The following COX7B2 variants were observed in gnomAD, a reference collection of about 807,000 sequenced individuals.
COX7B2 encodes cytochrome c oxidase subunit 7B2, mitochondrial.
For missense variants in COX7B2, 109 were observed against 95.9 expected, an observed-to-expected ratio of 1.14 and a Z score of -0.57; for synonymous variants, 37 against 32.1, an observed-to-expected ratio of 1.15 and a Z score of -0.51.
chr4:46,830,486 A>G (rs1715004248), intron 2 of COX7B2, among the ~76,000 whole-genome samples: 1 of 152,196 alleles, frequency 6.6e-6, no homozygotes, highest in African/African-American at 2.4e-5. Context: ...TTGGCATATA[A>G]TAATATAATG....
chr4:46,801,409 A>G lies in COX7B2; in HGVS notation c.-50+43551T>C, dbSNP rs536657381. ...AAATACATTGCAGCTAAGAAAAAGA[A>G]CAACATCATGTCCTTTGCAGCAACA... On this transcript the variant is annotated intron_variant, in intron 2 of 2. Coordinates refer to ENST00000355591, the MANE Select transcript of COX7B2 (RefSeq NM_130902.3). 2.0e-5 allele frequency among the ~76,000 whole-genome samples: 3 copies of G among 152,322 alleles called. No individual in the cohort carries two copies. The South Asian group carries it at 6.2e-4, about 32-fold the overall frequency.
intron 2 of COX7B2, among the ~76,000 whole-genome samples, chr4:46,763,044 A>C (rs1716293876): frequency 7.5e-6 from 1 of 133,886 alleles, no homozygotes; most frequent in African/African-American, 2.8e-5. Flanking sequence ...TATATATTAT[A>C]TATTATAATA....
intron 2 of COX7B2, among the ~76,000 whole-genome samples, chr4:46,806,937 A>T (rs1719028802): frequency 6.6e-6 from 1 of 151,948 alleles, no homozygotes; most frequent in African/African-American, 2.4e-5. Context: ...ACTCTAGATT[A>T]TTTCCATATC....
rs565342498 is a variant in COX7B2 at position 46,750,443 on chromosome 4, T to G, written c.-49-15202A>C. ...GAGAATTTCTTTTATTATAAGGACA[T>G]GTATATATGATTATAATGACATCTA... On this transcript the variant is annotated intron_variant, in intron 2 of 2. Coordinates refer to ENST00000355591, the MANE Select transcript of COX7B2 (RefSeq NM_130902.3). 2.0e-3 allele frequency among the ~76,000 whole-genome samples: 303 copies of G among 152,134 alleles called. 1 individual carries two copies. The highest frequency in any genetic ancestry group is 3.5e-3 in the Admixed American group (53 of 15,246).
At chr4:46,829,290 T>C (rs1560407037) in intron 2 of COX7B2, among the ~76,000 whole-genome samples, 1 of 152,192 alleles carries the variant, frequency 6.6e-6, no homozygotes, top group Non-Finnish European at 1.5e-5. Context: ...TTCATAACAA[T>C]CATTTAATGA....
rs144723920 is a variant in COX7B2 at position 46,879,541 on chromosome 4, G to T, written c.-105+29619C>A. 7.6e-4 allele frequency among the ~76,000 whole-genome samples: 115 copies of T among 151,284 alleles called. 1 individual carries two copies. The East Asian group carries it at 0.02, about 27-fold the overall frequency. On this transcript the variant is annotated intron_variant, in intron 1 of 2. Coordinates refer to ENST00000355591, the MANE Select transcript of COX7B2 (RefSeq NM_130902.3). ...ATAGGCCAATGAAATGTAAATTATA[G>T]GCTGGAGCCACCACACCGAGACCTC... is the stretch of plus-strand genomic sequence containing the variant.
chr4:46,893,975 A>G (rs1385596598), intron 1 of COX7B2, among the ~76,000 whole-genome samples: 1 of 152,132 alleles, frequency 6.6e-6, no homozygotes, highest in Non-Finnish European at 1.5e-5. Flanking sequence ...AATGATCTCT[A>G]CAATGAGAAT....
chr4:46,804,175 A>G (rs1206278538), intron 2 of COX7B2, among the ~76,000 whole-genome samples: 1 of 152,078 alleles, frequency 6.6e-6, no homozygotes, highest in Non-Finnish European at 1.5e-5. Flanking sequence ...TCGTGGTCTC[A>G]CTAGCTTCAA....
At chr4:46,784,925 T>A (rs1203829375) in intron 2 of COX7B2, among the ~76,000 whole-genome samples, 3 of 152,202 alleles carry the variant, frequency 2.0e-5, no homozygotes, top group Non-Finnish European at 2.9e-5. Context: ...AACAAATTAT[T>A]TTTCTTTTCA....
chr4:46,743,181 T>A (rs960377398), intron 2 of COX7B2, among the ~76,000 whole-genome samples: 1 of 152,170 alleles, frequency 6.6e-6, no homozygotes, highest in East Asian at 1.9e-4. Context: ...GCCCAACACA[T>A]TTCCTCAAAG....
chr4:46,753,599 C>T (rs1715549891), intron 2 of COX7B2, among the ~76,000 whole-genome samples: 1 of 151,974 alleles, frequency 6.6e-6, no homozygotes, highest in Admixed American at 6.6e-5. Context: ...AGACCTAAAA[C>T]CATAAAAACC....
chr4:46,903,008 T>C (rs1038644012), intron 1 of COX7B2, among the ~76,000 whole-genome samples: 2 of 152,146 alleles, frequency 1.3e-5, no homozygotes, highest in African/African-American at 2.4e-5. Flanking sequence ...TACATCAGGG[T>C]CCTGCAATGA....
rs573858797 is a variant in COX7B2, at chr4:46,826,542, T to TA, written c.-50+18417dup. Among the ~76,000 whole-genome samples the TA allele has an allele frequency of 4.0e-3, 614 of 152,052 alleles. 4 individuals carry two copies. The highest frequency in any genetic ancestry group is 0.013 in the African/African-American group (544 of 41,480). Reference sequence around the variant, plus strand: ...CCCCAAAATATAAATTATTCTACCATAAAAAAACACATGCACGCGAATGTT... The same window carrying TA: ...CCCCAAAATATAAATTATTCTACCATAAAAAAAACACATGCACGCGAATGTT... On this transcript the variant is annotated intron_variant, in intron 2 of 2. Transcript: ENST00000355591.
chr4:46,752,543 T>C (rs1338443596), intron 2 of COX7B2, among the ~76,000 whole-genome samples: 1 of 152,164 alleles, frequency 6.6e-6, no homozygotes, highest in African/African-American at 2.4e-5. Flanking sequence ...CAGTATGTAA[T>C]TGGCTTTGGG....
intron 1 of COX7B2, among the ~76,000 whole-genome samples, chr4:46,907,613 T>C (rs888794442): frequency 6.6e-6 from 1 of 152,008 alleles, no homozygotes; most frequent in Non-Finnish European, 1.5e-5. Context: ...CGTAATTTGA[T>C]ATCCATATGC....
chr4:46,822,125 A>C (rs925662936), intron 2 of COX7B2, among the ~76,000 whole-genome samples: 7 of 152,100 alleles, frequency 4.6e-5, no homozygotes, highest in Non-Finnish European at 1.5e-5. Flanking sequence ...GTTGGCCAGG[A>C]TAGTCTCCAT....
chr4:46,791,514 G>A (rs1718046458), intron 2 of COX7B2, among the ~76,000 whole-genome samples: 1 of 152,142 alleles, frequency 6.6e-6, no homozygotes, highest in Non-Finnish European at 1.5e-5. Flanking sequence ...CTTCTGGGCT[G>A]CTTATAGTTA....
At chr4:46,805,633 G>A (rs73141213) in intron 2 of COX7B2, among the ~76,000 whole-genome samples, 3,453 of 152,166 alleles carry the variant, frequency 0.023, 119 homozygotes, top group African/African-American at 0.079. Flanking sequence ...TAAATCAAAT[G>A]TTTTAATGAT....
chr4:46,893,366 T>C (rs1447358114), intron 1 of COX7B2, among the ~76,000 whole-genome samples: 1 of 152,212 alleles, frequency 6.6e-6, no homozygotes, highest in Non-Finnish European at 1.5e-5. Flanking sequence ...TTATACCCTT[T>C]GTACATACTT....
Sources: allele counts gnomAD v4.1 joint callset (sites outside exome capture counted in the v4.1 genomes callset), GRCh38; gene constraint gnomAD v4.1.1; transcripts MANE v1.5; gene names NCBI Gene and HGNC (gene_info 2026-07-23, HGNC 2026-07-21).